The following SURF1 variants were observed in gnomAD, a reference collection of about 807,000 sequenced individuals.
The protein encoded by SURF1 is surfeit locus protein 1.
Under a neutral mutation model 34.1 loss-of-function variants are expected in SURF1, and 45 were observed. That is an observed-to-expected ratio of 1.32 (90% confidence interval 1.04 to 1.69). SURF1 has a LOEUF of 1.69. Among genes scored for constraint, SURF1 ranks in the 40% most tolerant of loss-of-function variants. The pLI is 0.00. For synonymous variants in SURF1, 188 were observed against 147.5 expected, an observed-to-expected ratio of 1.27 and a Z score of -1.99; for missense variants, 456 against 384.6, an observed-to-expected ratio of 1.19 and a Z score of -1.55.
At chr9:133,355,826 T>C (rs1836561676) in intron 2 of SURF1, among the ~76,000 whole-genome samples, 1 of 152,110 alleles carries the variant, frequency 6.6e-6, no homozygotes, top group Non-Finnish European at 1.5e-5. Context: ...TTTTTTTTTT[T>C]TTTTTATAAA....
chr9:133,351,961 T>C lies in SURF1; in HGVS notation c.855A>G (p.Thr285=), dbSNP rs2130003007. Residue 285 remains threonine, a synonymous_variant, in exon 9 of 9, where the codon ACA becomes ACG. Coordinates refer to ENST00000371974, the MANE Select transcript of SURF1 (RefSeq NM_003172.4). Reference sequence around the variant, plus strand: ...GGAATTTCTTAAACCACAGGTAGGATGTAGCTGCAGAGAGTCCATACCTAG... The same window carrying C: ...GGAATTTCTTAAACCACAGGTAGGACGTAGCTGCAGAGAGTCCATACCTAG... ...IVTWYGLSAA[T]SYLWFKKFLR... 2.5e-5 allele frequency: 41 copies of C among 1,613,788 alleles called. No individual in the cohort carries two copies. Among genetic ancestry groups the C allele is most frequent in the Non-Finnish European group, 3.4e-5 (40 of 1,179,990 alleles).
rs2130026792 is a variant in SURF1 at position 133,356,437 on chromosome 9, G to C, written c.17C>G (p.Ala6Gly). MAAVAALQLGLRAAGL... is the reference protein window; with the variant it reads MAAVAGLQLGLRAAGL... ...CGCCGCCCGCAGCCCCAGCTGCAAC[G>C]CAGCCACCGCCGCCATCGCACCCGG... The change falls in exon 1 of 9, where the codon GCG becomes GGG. Residue 6 changes from alanine to glycine, a missense_variant. Coordinates refer to ENST00000371974, the MANE Select transcript of SURF1 (RefSeq NM_003172.4). 7.1e-7 allele frequency: 1 copy of C among 1,412,654 alleles called. No individual in the cohort carries two copies. Among genetic ancestry groups the C allele is most frequent in the Non-Finnish European group, 9.2e-7 (1 of 1,084,530 alleles). 87.5% of individuals were successfully genotyped at this position (1,412,654 alleles called of 1,614,324 possible).
At chr9:133,355,105 C>T (rs1220774648) in intron 2 of SURF1, 148 bp from the exon 3 acceptor site, 1 of 1,055,098 alleles carries the variant, frequency 9.5e-7, no homozygotes, top group Non-Finnish European at 1.4e-6. Flanking sequence ...CAGCTCCTAA[C>T]CCGGTGCCCA....
intron 4 of SURF1, 85 bp downstream of exon 4, chr9:133,354,574 A>G (rs1836516313): frequency 3.2e-6 from 5 of 1,543,592 alleles, no homozygotes; most frequent in Non-Finnish European, 4.5e-6. Context: ...AGTCCCACCA[A>G]AAGGGGCAAG....
At chr9:133,356,374 C>CCCCGCACCCCGCA in intron 1 of SURF1, 26 bp downstream of exon 1, 1 of 1,386,526 alleles carries the variant, frequency 7.2e-7, no homozygotes, top group South Asian at 1.6e-5. Context: ...GCGCCCCGCA[C>CCCCGCACCCCGCA]CCCGCACCCC....
At position 133,352,171 on chromosome 9, in the gene SURF1, C is replaced by T. The variant is rs2130005335; in HGVS notation, c.752-29G>A. The T allele has an allele frequency of 3.8e-6, 6 of 1,566,558 alleles. No individual in the cohort carries two copies. Among genetic ancestry groups the T allele is most frequent in the East Asian group, 2.3e-5 (1 of 43,040 alleles). On this transcript the variant is annotated intron_variant, in intron 7 of 8. Coordinates refer to ENST00000371974, the MANE Select transcript of SURF1 (RefSeq NM_003172.4). ...TGGAGACAGCAGACTCAAGTCCACC[C>T]CCTACTGGCCTGCCAGCCTCTGCAC...
Position 133,351,918 on chromosome 9 carries a change from C to T in SURF1, c.898G>A (p.Val300Met), listed in dbSNP as rs782746186. ...FKKFLRGTPGV is the reference protein window; with the variant it reads ...FKKFLRGTPGM Reference sequence around the variant, plus strand: ...GGGCTTCAGCAGCTGATCTGTCACACACCAGGTGTCCCACGTAGGAATTTC... The same window carrying T: ...GGGCTTCAGCAGCTGATCTGTCACATACCAGGTGTCCCACGTAGGAATTTC... Residue 300 changes from valine (V) to methionine (M), a missense_variant, in exon 9 of 9, where the codon GTG (valine) becomes ATG (methionine). Physicochemically the swap from Val to Met is conservative, Grantham distance 21 (BLOSUM62 1). Coordinates refer to ENST00000371974, the MANE Select transcript of SURF1 (RefSeq NM_003172.4). The T allele has an allele frequency of 2.5e-6, 4 of 1,613,646 alleles. No homozygotes were observed. The highest frequency in any genetic ancestry group is 2.2e-5 in the East Asian group (1 of 44,886).
rs2130013776 is a variant in SURF1 at position 133,353,683 on chromosome 9, G to A, written c.515+66C>T. 6.1e-5 allele frequency: 96 copies of A among 1,578,752 alleles called. No individual in the cohort carries two copies. In the African/African-American group the frequency reaches 1.2e-3, roughly 19 times the overall value. Reference sequence around the variant, plus strand: ...AAGGTTGGGGATTGTGAAGGAAATAGTGATGTAAATTAGTATACCCTGACT... The same window carrying A: ...AAGGTTGGGGATTGTGAAGGAAATAATGATGTAAATTAGTATACCCTGACT... On this transcript the variant is annotated intron_variant, in intron 5 of 8. Transcript: ENST00000371974.
At chr9:133,352,835 C>A in intron 5 of SURF1, 69 bp from the exon 6 acceptor site, 1 of 1,504,810 alleles carries the variant, frequency 6.6e-7, no homozygotes, top group Non-Finnish European at 9.1e-7. Flanking sequence ...CATGGTCACT[C>A]AGGCACCCAT....
At chr9:133,355,522 A>AATAC (rs1248245705) in intron 2 of SURF1, among the ~76,000 whole-genome samples, 1 of 152,194 alleles carries the variant, frequency 6.6e-6, no homozygotes, top group East Asian at 1.9e-4. Context: ...TGGTTGCTGT[A>AATAC]AGCCGAGATT....
In SURF1 at chr9:133,356,387, A is replaced by AC. The variant is rs1312164164; in HGVS notation, c.54+12dup. On this transcript the variant is annotated intron_variant, in intron 1 of 8. Coordinates refer to ENST00000371974, the MANE Select transcript of SURF1 (RefSeq NM_003172.4). ...CCGCGCCCCGCACCCCGCACCCCGCACCCGGCGCTCACCCGTCCCAGCCCC... is the reference window on the plus strand; with the variant it reads ...CCGCGCCCCGCACCCCGCACCCCGCACCCCGGCGCTCACCCGTCCCAGCCCC... The AC allele has an allele frequency of 2.5e-3, 3,455 of 1,355,314 alleles. 99 individuals carry two copies. In the African/African-American group the frequency reaches 0.048, roughly 19 times the overall value. The allele number at this position is 1,355,314 out of a possible 1,614,324, so 84.0% of individuals were successfully genotyped here. A position where few individuals can be genotyped will look rare whatever the true frequency, so the allele number is the denominator to read the frequency against.
chr9:133,352,815 G>C (rs1439538369), intron 5 of SURF1, 49 bp from the exon 6 acceptor site: 1 of 1,566,242 alleles, frequency 6.4e-7, no homozygotes, highest in African/African-American at 1.4e-5. Flanking sequence ...TTTGACTAAA[G>C]ACAGTCACTC....
At chr9:133,355,514 G>A (rs1000122661) in intron 2 of SURF1, among the ~76,000 whole-genome samples, 1 of 152,176 alleles carries the variant, frequency 6.6e-6, no homozygotes, top group African/African-American at 2.4e-5. Flanking sequence ...GGAGGAGGTG[G>A]TTGCTGTAAG....
In SURF1 at chr9:133,351,900, A is replaced by G. The variant is rs1836420165; in HGVS notation, c.*13T>C. ...CTGCATTATCCAGGGACAGGGCTTC[A>G]GCAGCTGATCTGTCACACACCAGGT... is the stretch of plus-strand genomic sequence containing the variant. On this transcript the variant is annotated 3_prime_UTR_variant, in exon 9 of 9. Transcript: ENST00000371974. 1.2e-6 allele frequency: 2 copies of G among 1,612,578 alleles called. No homozygotes were observed. The highest frequency in any genetic ancestry group is 3.3e-5 in the Admixed American group (2 of 59,800).
At position 133,354,959 on chromosome 9, in the gene SURF1, T is replaced by C. The variant is rs2130019923; in HGVS notation, c.107-2A>G. 1.1e-5 allele frequency: 17 copies of C among 1,613,118 alleles called. No homozygotes were observed. Among genetic ancestry groups the C allele is most frequent in the Non-Finnish European group, 1.4e-5 (16 of 1,180,002 alleles). ...ATCTGCTTGGCCTCCAGGCCACCCC[T>C]GGAGAGTTTCACAACACTGACATGG... On this transcript the variant is annotated splice_acceptor_variant, in intron 2 of 8. Coordinates refer to ENST00000371974, the MANE Select transcript of SURF1 (RefSeq NM_003172.4). LOFTEE classifies it high-confidence loss of function.
rs1449425544 is a variant in SURF1 at position 133,356,460 on chromosome 9, CG to C, written c.-8del. The C allele has an allele frequency of 7.7e-6, 11 of 1,424,922 alleles. No homozygotes were observed. The highest frequency in any genetic ancestry group is 1.0e-5 in the Non-Finnish European group (11 of 1,091,970). The allele number at this position is 1,424,922 out of a possible 1,614,324, so 88.3% of individuals were successfully genotyped here. The stretch of plus-strand genomic sequence containing the variant: ...ACGCAGCCACCGCCGCCATCGCACC[CG>C]GCCCCGCGGGCGCTTCCGGGACGCA... On this transcript the variant is annotated 5_prime_UTR_variant, in exon 1 of 9. Coordinates refer to ENST00000371974, the MANE Select transcript of SURF1 (RefSeq NM_003172.4).
chr9:133,353,747 AC>A lies in SURF1; in HGVS notation c.515+1del. The A allele has an allele frequency of 6.2e-7, 1 of 1,613,534 alleles. No individual in the cohort carries two copies. Among genetic ancestry groups the A allele is most frequent in the Non-Finnish European group, 8.5e-7 (1 of 1,179,996 alleles). On this transcript the variant is annotated splice_donor_variant, in intron 5 of 8. Coordinates refer to ENST00000371974, the MANE Select transcript of SURF1 (RefSeq NM_003172.4). LOFTEE classifies it high-confidence loss of function. ...CAGCCAGCTCCCACATGTCCTACTC[AC>A]CCCAGGTCGGTGCAGTGGAAGGGAG... is the stretch of plus-strand genomic sequence containing the variant.
chr9:133,356,442 C>G lies in SURF1; in HGVS notation c.12G>C (p.Val4=). The change falls in exon 1 of 9, where the codon GTG becomes GTC. Residue 4 remains valine, a synonymous_variant. Transcript: ENST00000371974. MAA[V]AALQLGLRAA... ...CCCGCAGCCCCAGCTGCAACGCAGC[C>G]ACCGCCGCCATCGCACCCGGCCCCG... 2 of 1,417,874 alleles carry G rather than the reference C, an allele frequency of 1.4e-6. No homozygotes were observed. Among genetic ancestry groups the G allele is most frequent in the Non-Finnish European group, 1.8e-6 (2 of 1,087,848 alleles). 87.8% of individuals were successfully genotyped at this position (1,417,874 alleles called of 1,614,324 possible).
intron 2 of SURF1, among the ~76,000 whole-genome samples, chr9:133,355,915 T>A (rs2130023435): frequency 2.6e-5 from 4 of 152,040 alleles, no homozygotes; most frequent in East Asian, 1.9e-4. Flanking sequence ...GAGGAACACG[T>A]AAGCCGCGGT....
Sources: gnomAD v4.1 joint callset for allele counts (sites outside exome capture counted in the v4.1 genomes callset) on GRCh38, gnomAD v4.1.1 for gene constraint, MANE v1.5 for transcripts, NCBI Gene and HGNC (gene_info 2026-07-23, HGNC 2026-07-21) for gene names.